MYO6: variants seen among roughly 807,000 people sequenced by gnomAD.
The protein encoded by MYO6 is unconventional myosin-VI.
A neutral mutation model predicts 178.7 loss-of-function variants in MYO6; 74 were observed. The observed-to-expected ratio is 0.41, with a 90% CI of 0.34 to 0.50. The LOEUF is 0.50. Ranked by LOEUF, MYO6 falls within the 20% of genes least tolerant of loss-of-function variation. The probability of loss-of-function intolerance (pLI) is 0.09; values close to 1 mark genes in which losing one functional copy is unlikely to be tolerated. For missense variants in MYO6, 1,330 were observed against 1,547.4 expected (o/e 0.86, Z 2.36); for synonymous variants, 477 against 504.6 (o/e 0.95, Z 0.73).
At chr6:75,887,265 ATGATC>A (rs1778508055) in intron 25 of MYO6, among the ~76,000 whole-genome samples, 1 of 152,206 alleles carries the variant, frequency 6.6e-6, no homozygotes, top group African/African-American at 2.4e-5. Flanking sequence ...AGGTGATGGG[ATGATC>A]TGTGCATCAA....
At chr6:75,863,720 A>G (rs1776408133) in intron 16 of MYO6, among the ~76,000 whole-genome samples, 3 of 151,912 alleles carry the variant, frequency 2.0e-5, no homozygotes, top group Admixed American at 1.3e-4. Flanking sequence ...TCTTGACCTC[A>G]TGATCTCCCT....
intron 11 of MYO6, among the ~76,000 whole-genome samples, chr6:75,853,726 A>C (rs1209172503): frequency 6.6e-6 from 1 of 152,318 alleles, no homozygotes; most frequent in East Asian, 1.9e-4. Flanking sequence ...ATTTTCACAC[A>C]TTCTTTGTAG....
intron 1 of MYO6, among the ~76,000 whole-genome samples, chr6:75,754,519 CAAAAAAAAAAAAAAA>C: frequency 2.3e-5 from 1 of 44,180 alleles, no homozygotes; most frequent in South Asian, 1.6e-3. Context: ...GACTCCGTCT[CAAAAAAAAAAAAAAA>C]AAAAAAAAAA....
intron 4 of MYO6, 120 bp downstream of exon 4, chr6:75,828,733 A>G: frequency 1.3e-6 from 1 of 748,232 alleles, no homozygotes; most frequent in Non-Finnish European, 2.4e-6. Flanking sequence ...AGCCTCTTGA[A>G]TAGAGTGTGA....
intron 16 of MYO6, among the ~76,000 whole-genome samples, chr6:75,865,784 A>G (rs746189666): frequency 1.3e-5 from 2 of 152,182 alleles, no homozygotes; most frequent in African/African-American, 4.8e-5. Context: ...GTACAACCTA[A>G]AATGATTTAG....
chr6:75,751,859 A>G (rs951891399), intron 1 of MYO6, among the ~76,000 whole-genome samples: 34 of 152,138 alleles, frequency 2.2e-4, no homozygotes, highest in Admixed American at 2.2e-3. Context: ...GATAGTTGAG[A>G]CTCCATTTTT....
chr6:75,838,497 T>C (rs981455921), intron 7 of MYO6, among the ~76,000 whole-genome samples: 11 of 152,140 alleles, frequency 7.2e-5, no homozygotes, highest in African/African-American at 2.7e-4. Flanking sequence ...GTTGGAGAGG[T>C]TCTTATCCTA....
rs139432207 is a variant in MYO6 at position 75,860,046 on chromosome 6, A to G, written c.1474-977A>G. 1.2e-4 allele frequency among the ~76,000 whole-genome samples: 19 copies of G among 152,292 alleles called. No homozygotes were observed. The East Asian group carries it at 3.7e-3, about 29-fold the overall frequency. ...TGTCTGGCAGCAAAGCCATCAAGTCAGGAGATTTGATGCATCCATTGTCCT... is the reference window on the plus strand; with the variant it reads ...TGTCTGGCAGCAAAGCCATCAAGTCGGGAGATTTGATGCATCCATTGTCCT... On this transcript the variant is annotated intron_variant, in intron 14 of 34. Coordinates refer to ENST00000369977, the MANE Select transcript of MYO6 (RefSeq NM_004999.4).
At chr6:75,820,944 A>C (rs1368977921) in intron 2 of MYO6, among the ~76,000 whole-genome samples, 2 of 152,146 alleles carry the variant, frequency 1.3e-5, no homozygotes, top group Non-Finnish European at 2.9e-5. Context: ...CTGTCATTAG[A>C]GCTTGATGCT....
rs372062341 is a variant in MYO6 at position 75,892,647 on chromosome 6, G to A, written c.3064G>A (p.Glu1022Lys). ...CCTGAGGATTGCCCAGAGTGAAGCCGAGCTCATCAGTGATGAGGCCCAGGC... is the reference window on the plus strand; with the variant it reads ...CCTGAGGATTGCCCAGAGTGAAGCCAAGCTCATCAGTGATGAGGCCCAGGC... ...LALRIAQSEA[E>K]LISDEAQADL... The change falls in exon 28 of 35, where the codon GAG becomes AAG. Residue 1022 changes from glutamate to lysine, a missense_variant. By Grantham distance (56) the Glu-to-Lys change is moderately conservative. This residue lies in a region of MYO6 where 601 missense variants were observed against 626.1 expected (regional missense o/e 0.96). Coordinates refer to ENST00000369977, the MANE Select transcript of MYO6 (RefSeq NM_004999.4). The A allele has an allele frequency of 5.0e-6, 8 of 1,612,710 alleles. No individual in the cohort carries two copies. The highest frequency in any genetic ancestry group is 2.2e-5 in the East Asian group (1 of 44,896).
intron 1 of MYO6, among the ~76,000 whole-genome samples, chr6:75,799,131 G>A (rs574868194): frequency 1.3e-5 from 2 of 152,310 alleles, no homozygotes; most frequent in African/African-American, 4.8e-5. Context: ...GCTCATGTCT[G>A]TAATCCCAGC....
intron 1 of MYO6, among the ~76,000 whole-genome samples, chr6:75,798,771 A>C (rs137876976): frequency 6.6e-6 from 1 of 152,334 alleles, no homozygotes; most frequent in African/African-American, 2.4e-5. Flanking sequence ...CAGTCAGGCA[A>C]GAGAATAAAT....
At chr6:75,897,295 A>G (rs1051573160) in intron 29 of MYO6, among the ~76,000 whole-genome samples, 3 of 152,242 alleles carry the variant, frequency 2.0e-5, no homozygotes, top group Admixed American at 2.0e-4. Flanking sequence ...CGATTCTGAG[A>G]AACTACTAGC....
chr6:75,822,877 C>G, intron 3 of MYO6, 26 bp downstream of exon 3: 5 of 1,546,114 alleles, frequency 3.2e-6, no homozygotes, highest in Non-Finnish European at 3.6e-6. Flanking sequence ...AAAATTAACT[C>G]TCCGCACAGA....
intron 1 of MYO6, among the ~76,000 whole-genome samples, chr6:75,786,493 G>A (rs1179030989): frequency 6.6e-6 from 1 of 152,204 alleles, no homozygotes; most frequent in Non-Finnish European, 1.5e-5. Flanking sequence ...GACATTTTCA[G>A]TAGCATTGAG....
intron 7 of MYO6, among the ~76,000 whole-genome samples, chr6:75,839,177 T>A (rs1007430050): frequency 1.3e-5 from 2 of 151,884 alleles, no homozygotes; most frequent in Non-Finnish European, 2.9e-5. Context: ...GTTTATTTTT[T>A]AATTTATTTT....
chr6:75,813,171 C>T (rs187817681), intron 1 of MYO6, among the ~76,000 whole-genome samples: 94 of 152,280 alleles, frequency 6.2e-4, no homozygotes, highest in Non-Finnish European at 8.5e-4. Context: ...ACCTGGGAGG[C>T]AGGGCCTGGA....
intron 9 of MYO6, among the ~76,000 whole-genome samples, chr6:75,843,915 T>A (rs904350821): frequency 6.6e-6 from 1 of 152,132 alleles, no homozygotes; most frequent in Admixed American, 6.5e-5. Flanking sequence ...TTGGTATGTG[T>A]ATGATGAGGT....
chr6:75,790,884 C>T (rs1391525372), intron 1 of MYO6, among the ~76,000 whole-genome samples: 1 of 152,116 alleles, frequency 6.6e-6, no homozygotes, highest in Non-Finnish European at 1.5e-5. Context: ...GATGTCATGA[C>T]ATTTTTAATT....
Sources: gnomAD v4.1 joint callset for allele counts (sites outside exome capture counted in the v4.1 genomes callset) on GRCh38, gnomAD v4.1.1 for gene constraint, gnomAD v4.1.1 regional missense constraint, MANE v1.5 for transcripts, NCBI Gene and HGNC (gene_info 2026-07-23, HGNC 2026-07-21) for gene names.